The following CCND1 variants were observed in gnomAD, a reference collection of about 807,000 sequenced individuals.
CCND1 encodes G1/S-specific cyclin-D1.
A neutral mutation model predicts 26.1 loss-of-function variants in CCND1; 9 were observed. The ratio of observed to expected loss-of-function variants is 0.35; its 90% CI spans 0.21 to 0.60. The LOEUF (loss-of-function observed/expected upper bound fraction) is 0.60, where lower values mean the gene tolerates loss of function less well. Ranked by LOEUF, CCND1 falls within the 20% of genes least tolerant of loss-of-function variation. The pLI is 0.79. For synonymous variants in CCND1, 194 were observed against 166.1 expected (o/e 1.17, Z -1.29); for missense variants, 335 against 392.9 (o/e 0.85, Z 1.25).
intron 2 of CCND1, 31 bp downstream of exon 2, chr11:69,643,277 CCCGCGAG>C (rs1565225099): frequency 6.6e-7 from 1 of 1,516,346 alleles, no homozygotes; most frequent in South Asian, 1.2e-5. Flanking sequence ...CCCCCCGCCC[CCCGCGAG>C]CCGCACGCAG....
chr11:69,654,109 G>T lies in CCND1; in HGVS notation c.*2827G>T, dbSNP rs764129482. Reference sequence around the variant, plus strand: ...CATCCTGTGCTCGGAGGCCATCTCGGGCACAGGCCCACCCCGCCCCACCCC... The same window carrying T: ...CATCCTGTGCTCGGAGGCCATCTCGTGCACAGGCCCACCCCGCCCCACCCC... On this transcript the variant is annotated 3_prime_UTR_variant, in exon 5 of 5. Coordinates refer to ENST00000227507, the MANE Select transcript of CCND1 (RefSeq NM_053056.3). This position sits in a 1 kb window ranked among gnomAD's most constrained non-coding sequence, Gnocchi z 6.3. 2 of 658,180 alleles carry T rather than the reference G, an allele frequency of 3.0e-6. No homozygotes were observed. The highest frequency in any genetic ancestry group is 3.5e-5 in the African/African-American group (2 of 56,494). The allele number at this position is 658,180 out of a possible 1,614,324, so 40.8% of individuals were successfully genotyped here.
In CCND1 at chr11:69,653,566, G is replaced by A. The variant is rs902631600; in HGVS notation, c.*2284G>A. On this transcript the variant is annotated 3_prime_UTR_variant, in exon 5 of 5. Coordinates refer to ENST00000227507, the MANE Select transcript of CCND1 (RefSeq NM_053056.3). ...TGCCTGCTTTGGCGGGCAGACACGC[G>A]GGCGCGATCCCACACAGGCTGGCGG... The A allele has an allele frequency of 2.0e-5, 11 of 538,298 alleles. No individual in the cohort carries two copies. The highest frequency in any genetic ancestry group is 1.6e-4 in the South Asian group (7 of 42,738). The allele number at this position is 538,298 out of a possible 1,614,324, so 33.3% of individuals were successfully genotyped here.
chr11:69,654,116 G>GGCCCCCCC lies in CCND1; in HGVS notation c.*2834_*2835insGCCCCCCC. 1 of 651,630 alleles carries GGCCCCCCC rather than the reference G, an allele frequency of 1.5e-6. No homozygotes were observed. Among genetic ancestry groups the GGCCCCCCC allele is most frequent in the Non-Finnish European group, 2.8e-6 (1 of 356,910 alleles). 40.4% of individuals were successfully genotyped at this position (651,630 alleles called of 1,614,324 possible). A position where few individuals can be genotyped will look rare whatever the true frequency, so the allele number is the denominator to read the frequency against. ...TGCTCGGAGGCCATCTCGGGCACAG[G>GGCCCCCCC]CCCACCCCGCCCCACCCCTCCAGAA... On this transcript the variant is annotated 3_prime_UTR_variant, in exon 5 of 5. Coordinates refer to ENST00000227507, the MANE Select transcript of CCND1 (RefSeq NM_053056.3). The surrounding 1 kb of genome is among the most constrained non-coding windows in gnomAD (Gnocchi z 6.3).
chr11:69,643,450 C>T (rs978362396), intron 2 of CCND1: 8 of 482,408 alleles, frequency 1.7e-5, no homozygotes, highest in African/African-American at 1.2e-4. Context: ...GTGCGCTTGC[C>T]TGCGACTCCC....
chr11:69,644,944 G>A (rs961019991), intron 3 of CCND1, among the ~76,000 whole-genome samples: 5 of 152,224 alleles, frequency 3.3e-5, no homozygotes, highest in Admixed American at 1.3e-4. Context: ...CAAAGAGGCA[G>A]TAGCATCTTC....
At chr11:69,644,066 C>A (rs767311370) in intron 3 of CCND1, 75 bp downstream of exon 3, 1 of 1,461,730 alleles carries the variant, frequency 6.8e-7, no homozygotes, top group Non-Finnish European at 9.5e-7. Flanking sequence ...GCTTCTTGCT[C>A]TCCACCTGGG....
At chr11:69,646,454 C>T (rs1442586089) in intron 3 of CCND1, among the ~76,000 whole-genome samples, 3 of 152,108 alleles carry the variant, frequency 2.0e-5, no homozygotes, top group Non-Finnish European at 4.4e-5. Context: ...TCGGATGGGC[C>T]GCCACACCCC....
chr11:69,645,027 G>T (rs942169843), intron 3 of CCND1, among the ~76,000 whole-genome samples: 1 of 152,174 alleles, frequency 6.6e-6, no homozygotes, highest in African/African-American at 2.4e-5. Flanking sequence ...CCCGCAGCCG[G>T]TATTCCAGAA....
intron 2 of CCND1, 52 bp downstream of exon 2, chr11:69,643,298 C>T (rs1264576442): frequency 3.5e-6 from 5 of 1,441,290 alleles, no homozygotes; most frequent in Non-Finnish European, 4.7e-6. Flanking sequence ...CACGCAGGAC[C>T]ACGGGGCCGG....
chr11:69,641,245 A>T lies in CCND1; in HGVS notation c.-69A>T. 6.9e-7 allele frequency: 1 copy of T among 1,455,384 alleles called. No homozygotes were observed. 90.2% of individuals were successfully genotyped at this position (1,455,384 alleles called of 1,614,324 possible). ...GCGCGAGGGAGCGCGGGGCAGCAGA[A>T]GCGAGAGCCGAGCGCGGACCCAGCC... On this transcript the variant is annotated 5_prime_UTR_variant, in exon 1 of 5. The change creates a new upstream start codon in the 5' untranslated region. Coordinates refer to ENST00000227507, the MANE Select transcript of CCND1 (RefSeq NM_053056.3).
rs11263523 is a variant in CCND1 at position 69,643,891 on chromosome 11, C to A, written c.474C>A (p.His158Gln). ...GGAACCTGGCCGCAATGACCCCGCA[C>A]GATTTCATTGAACACTTCCTCTCCA... Reference protein sequence around the residue: ...LKWNLAAMTPHDFIEHFLSKM... With the variant: ...LKWNLAAMTPQDFIEHFLSKM... The change falls in exon 3 of 5, where the codon CAC becomes CAA. Residue 158 changes from histidine (H) to glutamine (Q), a missense_variant. By Grantham distance (24) the His-to-Gln change is conservative. Coordinates refer to ENST00000227507, the MANE Select transcript of CCND1 (RefSeq NM_053056.3). 4 of 1,613,534 alleles carry A rather than the reference C, an allele frequency of 2.5e-6. No homozygotes were observed. The East Asian group carries it at 6.7e-5, about 27-fold the overall frequency.
At chr11:69,646,504 C>T (rs1452039650) in intron 3 of CCND1, among the ~76,000 whole-genome samples, 4 of 152,156 alleles carry the variant, frequency 2.6e-5, no homozygotes, top group African/African-American at 2.4e-5. Context: ...GTGCCTGGGT[C>T]GGCTCCCATT....
In CCND1 at chr11:69,648,733, T is replaced by C. The variant is rs557407092; in HGVS notation, c.723+591T>C. On this transcript the variant is annotated intron_variant, in intron 4 of 4. Transcript: ENST00000227507. ...AAAGGGTTTGTGGCATTTACCAAATTAGACCAGAGAGGTGGCCGGGTCAGC... is the reference window on the plus strand; with the variant it reads ...AAAGGGTTTGTGGCATTTACCAAATCAGACCAGAGAGGTGGCCGGGTCAGC... Among the ~76,000 whole-genome samples the C allele has an allele frequency of 7.2e-5, 11 of 152,324 alleles. No homozygotes were observed. The East Asian group carries it at 1.4e-3, about 19-fold the overall frequency.
intron 4 of CCND1, among the ~76,000 whole-genome samples, chr11:69,648,976 G>A (rs757316126): frequency 2.0e-5 from 3 of 152,224 alleles, no homozygotes; most frequent in Non-Finnish European, 2.9e-5. Flanking sequence ...TGGGAGTAGC[G>A]GCTGCCCAGC....
intron 1 of CCND1, 64 bp downstream of exon 1, chr11:69,641,575 T>G: frequency 6.8e-7 from 1 of 1,473,380 alleles, no homozygotes; most frequent in Non-Finnish European, 9.4e-7. Flanking sequence ...CCCACGTTTC[T>G]TTGCTACTCA....
chr11:69,646,537 T>C (rs925204492), intron 3 of CCND1, among the ~76,000 whole-genome samples: 2 of 152,136 alleles, frequency 1.3e-5, no homozygotes, highest in African/African-American at 4.8e-5. Context: ...CCCCCCTTGT[T>C]CCCGGGCGCT....
intron 1 of CCND1, among the ~76,000 whole-genome samples, chr11:69,641,927 T>TGGAC (rs1349334248): frequency 6.6e-6 from 1 of 151,108 alleles, no homozygotes; most frequent in Non-Finnish European, 1.5e-5. Context: ...TTAATATCCA[T>TGGAC]GGACACGTAT....
At chr11:69,642,612 C>T (rs1855721842) in intron 1 of CCND1, among the ~76,000 whole-genome samples, 1 of 152,174 alleles carries the variant, frequency 6.6e-6, no homozygotes, top group East Asian at 1.9e-4. Flanking sequence ...AAATGCGGCG[C>T]GGCGGCCTGG....
At position 69,643,943 on chromosome 11, in the gene CCND1, CAG is replaced by C. The variant is rs1565225330; in HGVS notation, c.528_529del (p.Gln176HisfsTer64). On this transcript the variant is annotated frameshift_variant, in exon 3 of 5. Transcript: ENST00000227507. LOFTEE classifies it high-confidence loss of function. ...AATGCCAGAGGCGGAGGAGAACAAA[CAG>C]ATCATCCGCAAACACGCGCAGACCT... ...SKMPEAEENKQIIRKHAQTFV... is the reference protein window; with the variant it reads ...SKMPEAEENKXIIRKHAQTFV... 6.2e-7 allele frequency: 1 copy of C among 1,613,530 alleles called. No homozygotes were observed. The highest frequency in any genetic ancestry group is 8.5e-7 in the Non-Finnish European group (1 of 1,180,020).
Sources: gnomAD v4.1 joint callset for allele counts (sites outside exome capture counted in the v4.1 genomes callset) on GRCh38, gnomAD v4.1.1 for gene constraint, Gnocchi (gnomAD v3.1) non-coding constraint, MANE v1.5 for transcripts, NCBI Gene and HGNC (gene_info 2026-07-23, HGNC 2026-07-21) for gene names.